Variants in PCDHGA8 observed in about 807,000 individuals in gnomAD.
PCDHGA8 encodes the protein protocadherin gamma subfamily A, 8.
PCDHGA8 carries 45 observed loss-of-function variants against 59.2 expected under a neutral mutation model. The ratio of observed to expected loss-of-function variants is 0.76; its 90% confidence interval spans 0.60 to 0.98. The LOEUF (loss-of-function observed/expected upper bound fraction) is 0.98, where lower values mean the gene tolerates loss of function less well. PCDHGA8 is among the 50% of genes least tolerant of loss of function. PCDHGA8 has a pLI of 0.00. For missense variants in PCDHGA8, 1,257 were observed against 1,196.2 expected (o/e 1.05, Z -0.75); for synonymous variants, 531 against 519.0 (o/e 1.02, Z -0.32).
At position 141,478,147 on chromosome 5, in the gene PCDHGA8, C is replaced by T. The variant is rs199689679; in HGVS notation, c.2425-16660C>T. On this transcript the variant is annotated intron_variant, in intron 1 of 3. Transcript: ENST00000398604. The stretch of plus-strand genomic sequence containing the variant: ...ACTCTCCTGAAGCCCGAGCCGAGTT[C>T]CCCTCTGGCTCTGCCCCCCGGGAGC... The T allele has an allele frequency of 2.0e-5, 32 of 1,614,076 alleles. 1 individual carries two copies. In the East Asian group the frequency reaches 5.3e-4, roughly 27 times the overall value.
At chr5:141,447,084 T>A (rs2098525776) in intron 1 of PCDHGA8, among the ~76,000 whole-genome samples, 1 of 152,186 alleles carries the variant, frequency 6.6e-6, no homozygotes, top group Non-Finnish European at 1.5e-5. Flanking sequence ...TTTTGTTGTT[T>A]AATTTTCTTT....
At chr5:141,433,693 C>T (rs772152724) in intron 1 of PCDHGA8, among the ~76,000 whole-genome samples, 2 of 151,986 alleles carry the variant, frequency 1.3e-5, no homozygotes, top group Admixed American at 6.6e-5. Flanking sequence ...CAAAATTAGC[C>T]GGGCGTGGTG....
Position 141,489,623 on chromosome 5 carries a change from A to T in PCDHGA8, c.2425-5184A>T, listed in dbSNP as rs924162827. On this transcript the variant is annotated intron_variant, in intron 1 of 3. Coordinates refer to ENST00000398604, the MANE Select transcript of PCDHGA8 (RefSeq NM_032088.2). This position sits in a 1 kb window ranked among gnomAD's most constrained non-coding sequence, Gnocchi z 4.5. ...GAGGTAGAGATCCTGGATCTCAATG[A>T]CAACTCTCCTAGCTTTGCCACCCCT... is the stretch of plus-strand genomic sequence containing the variant. The T allele has an allele frequency of 6.2e-7, 1 of 1,614,102 alleles. No homozygotes were observed. Among genetic ancestry groups the T allele is most frequent in the Non-Finnish European group, 8.5e-7 (1 of 1,179,996 alleles).
intron 1 of PCDHGA8, chr5:141,423,413 C>T (rs757696505): frequency 2.5e-6 from 4 of 1,614,022 alleles, no homozygotes; most frequent in South Asian, 2.2e-5. Flanking sequence ...CTGCAGGCTT[C>T]TGAAGGCGGG....
chr5:141,462,824 A>T (rs1561993844), intron 1 of PCDHGA8, among the ~76,000 whole-genome samples: 1 of 152,158 alleles, frequency 6.6e-6, no homozygotes, highest in Non-Finnish European at 1.5e-5. Flanking sequence ...TGGACAGCAG[A>T]CATTGTAAAT....
At chr5:141,398,223 G>C (rs995722310) in intron 1 of PCDHGA8, 1 of 1,482,728 alleles carries the variant, frequency 6.7e-7, no homozygotes, top group South Asian at 1.3e-5. Context: ...TCTGTGAGCA[G>C]ATCCGCTACA....
At position 141,493,235 on chromosome 5, in the gene PCDHGA8, T is replaced by G. The variant is rs541360337; in HGVS notation, c.2425-1572T>G. Among the ~76,000 whole-genome samples the G allele has an allele frequency of 6.6e-6, 1 of 152,352 alleles. No homozygotes were observed. The highest frequency in any genetic ancestry group is 1.5e-5 in the Non-Finnish European group (1 of 68,036). On this transcript the variant is annotated intron_variant, in intron 1 of 3. Transcript: ENST00000398604. This position sits in a 1 kb window ranked among gnomAD's most constrained non-coding sequence, Gnocchi z 4.3. ...TGCTCTTCCCACCATTGCTGTTGGC[T>G]AGGTACTAACATGCCTCTCTTATAA...
intron 1 of PCDHGA8, among the ~76,000 whole-genome samples, chr5:141,450,649 G>A (rs2098689040): frequency 6.6e-6 from 1 of 151,674 alleles, no homozygotes; most frequent in African/African-American, 2.4e-5. Flanking sequence ...ACCATGCCTG[G>A]CTAATTTTTG....
intron 2 of PCDHGA8, among the ~76,000 whole-genome samples, chr5:141,496,505 A>G (rs1166234572): frequency 1.3e-5 from 2 of 152,144 alleles, no homozygotes; most frequent in Non-Finnish European, 2.9e-5. Flanking sequence ...TGTTGCCACA[A>G]GGACCCAGGA....
intron 1 of PCDHGA8, chr5:141,419,816 C>T (rs910172118): frequency 1.2e-6 from 2 of 1,614,058 alleles, no homozygotes; most frequent in Non-Finnish European, 8.5e-7. Context: ...AGGACAGCCA[C>T]CCCTTTCAGC....
In PCDHGA8 at chr5:141,489,584, A is replaced by G. The variant is rs775720718; in HGVS notation, c.2425-5223A>G. Reference sequence around the variant, plus strand: ...CAGGTGGTGACTGAACACCCCCTGGAGCTAATCCGTGTAGAGGTAGAGATC... The same window carrying G: ...CAGGTGGTGACTGAACACCCCCTGGGGCTAATCCGTGTAGAGGTAGAGATC... On this transcript the variant is annotated intron_variant, in intron 1 of 3. Coordinates refer to ENST00000398604, the MANE Select transcript of PCDHGA8 (RefSeq NM_032088.2). The surrounding 1 kb of genome is among the most constrained non-coding windows in gnomAD (Gnocchi z 4.5). The G allele has an allele frequency of 6.2e-7, 1 of 1,614,054 alleles. No homozygotes were observed. Among genetic ancestry groups the G allele is most frequent in the South Asian group, 1.1e-5 (1 of 91,078 alleles).
chr5:141,418,776 C>G (rs763308217), intron 1 of PCDHGA8: 1 of 1,613,806 alleles, frequency 6.2e-7, no homozygotes, highest in East Asian at 2.2e-5. Flanking sequence ...ACTCAGCAGC[C>G]TTTGGATTTT....
chr5:141,472,324 G>A (rs1027842697), intron 1 of PCDHGA8, among the ~76,000 whole-genome samples: 2 of 150,650 alleles, frequency 1.3e-5, no homozygotes, highest in African/African-American at 2.4e-5. Flanking sequence ...GGCAGATCAC[G>A]AGGTTGGGAG....
intron 1 of PCDHGA8, among the ~76,000 whole-genome samples, chr5:141,426,006 G>C (rs1013613474): frequency 2.0e-5 from 3 of 152,104 alleles, no homozygotes; most frequent in African/African-American, 7.2e-5. Flanking sequence ...AAGGCTTCCG[G>C]CTGCAGTTTT....
chr5:141,394,327 T>C lies in PCDHGA8; in HGVS notation c.1514T>C (p.Ile505Thr), dbSNP rs747533347. ...TLQGAPLSSY[I>T]SINSDTGVLY... ...CAGGGGGCGCCCCTGTCCTCGTATA[T>C]CTCCATCAACTCTGACACCGGTGTC... Residue 505 changes from isoleucine to threonine, a missense_variant, in exon 1 of 4, where the codon ATC becomes ACC. Physicochemically the swap from Ile to Thr is moderately conservative, Grantham distance 89. Coordinates refer to ENST00000398604, the MANE Select transcript of PCDHGA8 (RefSeq NM_032088.2). The C allele has an allele frequency of 6.2e-7, 1 of 1,613,944 alleles. No individual in the cohort carries two copies.
chr5:141,432,084 T>A lies in PCDHGA8; in HGVS notation c.2424+36847T>A, dbSNP rs1372151428. 1.2e-6 allele frequency: 2 copies of A among 1,614,186 alleles called. No individual in the cohort carries two copies. Among genetic ancestry groups the A allele is most frequent in the Admixed American group, 1.7e-5 (1 of 60,022 alleles). On this transcript the variant is annotated intron_variant, in intron 1 of 3. Transcript: ENST00000398604. This position sits in a 1 kb window ranked among gnomAD's most constrained non-coding sequence, Gnocchi z 6.0. Reference sequence around the variant, plus strand: ...ACGGAAACTCATATCTCGCTGAACGTGGCAGACACCAACGACAACCCGCCG... The same window carrying A: ...ACGGAAACTCATATCTCGCTGAACGAGGCAGACACCAACGACAACCCGCCG...
chr5:141,443,104 C>A (rs950011995), intron 1 of PCDHGA8, among the ~76,000 whole-genome samples: 1 of 151,854 alleles, frequency 6.6e-6, no homozygotes, highest in East Asian at 1.9e-4. Flanking sequence ...TCAAGCTGAA[C>A]CTTGCTTTTC....
chr5:141,425,478 G>A (rs2096877750), intron 1 of PCDHGA8, among the ~76,000 whole-genome samples: 1 of 152,148 alleles, frequency 6.6e-6, no homozygotes, highest in Admixed American at 6.5e-5. Flanking sequence ...AATTCCTATG[G>A]CAACCTACTA....
At chr5:141,443,475 G>T (rs994058112) in intron 1 of PCDHGA8, among the ~76,000 whole-genome samples, 1 of 152,148 alleles carries the variant, frequency 6.6e-6, no homozygotes, top group African/African-American at 2.4e-5. Flanking sequence ...GACAGAATTA[G>T]ACCCTGTCCC....
Sources: gnomAD v4.1 joint callset for allele counts (sites outside exome capture counted in the v4.1 genomes callset) on GRCh38, gnomAD v4.1.1 for gene constraint, Gnocchi (gnomAD v3.1) non-coding constraint, MANE v1.5 for transcripts, NCBI Gene and HGNC (gene_info 2026-07-23, HGNC 2026-07-21) for gene names.